MPP7: variants seen among roughly 807,000 people sequenced by gnomAD.
The protein encoded by MPP7 is MAGUK p55 subfamily member 7.
A neutral mutation model predicts 76.5 loss-of-function variants in MPP7; 60 were observed. That is an observed-to-expected ratio of 0.78 (90% CI 0.64 to 0.97). The LOEUF (loss-of-function observed/expected upper bound fraction) is 0.97. Among genes scored for constraint, MPP7 ranks in the 50% least tolerant of loss-of-function variants. MPP7 has a pLI of 0.00. For missense variants in MPP7, 641 were observed against 694.0 expected, an observed-to-expected ratio of 0.92 and a Z score of 0.86; for synonymous variants, 237 against 244.5, an observed-to-expected ratio of 0.97 and a Z score of 0.29.
At chr10:28,239,788 T>C (rs899265256) in intron 1 of MPP7, among the ~76,000 whole-genome samples, 13 of 152,236 alleles carry the variant, frequency 8.5e-5, no homozygotes, top group Non-Finnish European at 2.9e-5. Flanking sequence ...TTAATGCTGC[T>C]AGTTCTGTGA....
intron 5 of MPP7, among the ~76,000 whole-genome samples, chr10:28,144,204 A>G (rs1321291443): frequency 6.6e-6 from 1 of 151,960 alleles, no homozygotes; most frequent in Non-Finnish European, 1.5e-5. Flanking sequence ...GCCTTCCTCC[A>G]TTCAGTATTG....
chr10:28,092,493 G>A (rs997568594), intron 11 of MPP7, among the ~76,000 whole-genome samples: 1 of 151,746 alleles, frequency 6.6e-6, no homozygotes, highest in East Asian at 1.9e-4. Flanking sequence ...TATGTAAAGC[G>A]CCAGAGAAAA....
chr10:28,235,998 T>C (rs1359514151), intron 2 of MPP7, among the ~76,000 whole-genome samples: 1 of 152,172 alleles, frequency 6.6e-6, no homozygotes, highest in Non-Finnish European at 1.5e-5. Flanking sequence ...ATTAAACAAA[T>C]GGAAATACGC....
chr10:28,320,236 T>C (rs1589048078), intron 2 of MPP7, among the ~76,000 whole-genome samples: 1 of 152,028 alleles, frequency 6.6e-6, no homozygotes, highest in South Asian at 2.1e-4. Flanking sequence ...GGATGCATCA[T>C]GAATAAAAGG....
intron 3 of MPP7, among the ~76,000 whole-genome samples, chr10:28,196,651 T>C (rs1162999225): frequency 6.6e-6 from 1 of 152,186 alleles, no homozygotes; most frequent in African/African-American, 2.4e-5. Flanking sequence ...ACAGGTCTCC[T>C]GGTATCCTCT....
chr10:28,087,239 C>A (rs1414512321), intron 12 of MPP7, among the ~76,000 whole-genome samples: 1 of 152,178 alleles, frequency 6.6e-6, no homozygotes, highest in African/African-American at 2.4e-5. Context: ...ATTCCCTTCG[C>A]CTTCCACAAG....
intron 6 of MPP7, 103 bp from the exon 7 acceptor site, chr10:28,125,194 C>T (rs1834979600): frequency 1.0e-6 from 1 of 967,264 alleles, no homozygotes. Flanking sequence ...AAAACAACTA[C>T]AAAAACGAAA....
chr10:28,269,029 C>T (rs1840237000), intron 1 of MPP7, among the ~76,000 whole-genome samples: 1 of 152,196 alleles, frequency 6.6e-6, no homozygotes, highest in African/African-American at 2.4e-5. Flanking sequence ...TAATTACATA[C>T]ACCTTTTACT....
chr10:28,324,672 A>G (rs746070503), intron 2 of MPP7, among the ~76,000 whole-genome samples: 18 of 152,268 alleles, frequency 1.2e-4, no homozygotes, highest in Non-Finnish European at 2.4e-4. Flanking sequence ...AATACATTTC[A>G]TAATGAGAAC....
At chr10:28,190,679 A>G (rs1837384097) in intron 3 of MPP7, among the ~76,000 whole-genome samples, 2 of 152,200 alleles carry the variant, frequency 1.3e-5, no homozygotes, top group Non-Finnish European at 2.9e-5. Flanking sequence ...TAGAATTTAT[A>G]CCACTGAAAG....
intron 11 of MPP7, among the ~76,000 whole-genome samples, chr10:28,109,456 A>G (rs188730576): frequency 1.7e-3 from 263 of 152,296 alleles, no homozygotes; most frequent in African/African-American, 6.0e-3. Context: ...GTCTATCAAA[A>G]ATTATACAAT....
chr10:28,293,172 A>C (rs1840961572), intron 1 of MPP7, among the ~76,000 whole-genome samples: 1 of 152,200 alleles, frequency 6.6e-6, no homozygotes. Context: ...CGAGAGACTG[A>C]AAAAAGAAGA....
chr10:28,189,482 A>G (rs1837337235), intron 3 of MPP7, among the ~76,000 whole-genome samples: 1 of 149,744 alleles, frequency 6.7e-6, no homozygotes, highest in African/African-American at 2.5e-5. Flanking sequence ...GAAGTGGGAG[A>G]AATACTTCAG....
At chr10:28,272,099 G>A (rs1840344956) in intron 1 of MPP7, among the ~76,000 whole-genome samples, 1 of 152,146 alleles carries the variant, frequency 6.6e-6, no homozygotes, top group Non-Finnish European at 1.5e-5. Context: ...CTGAAAATGA[G>A]GCAGACTAAT....
At chr10:28,330,613 T>C (rs1834462392) in intron 1 of MPP7, among the ~76,000 whole-genome samples, 4 of 152,242 alleles carry the variant, frequency 2.6e-5, no homozygotes, top group Middle Eastern at 3.4e-3. Flanking sequence ...TATTGAATTA[T>C]TGGGGGATCA....
chr10:28,124,773 A>G (rs1009422246), intron 7 of MPP7, among the ~76,000 whole-genome samples: 18 of 151,968 alleles, frequency 1.2e-4, no homozygotes, highest in Non-Finnish European at 1.8e-4. Flanking sequence ...GTGAGCCACC[A>G]CGCCCGGCCC....
At chr10:28,267,522 A>C (rs11006972) in intron 1 of MPP7, among the ~76,000 whole-genome samples, 14,554 of 152,266 alleles carry the variant, frequency 0.096, 878 homozygotes, top group East Asian at 0.14. Context: ...CCAGAATCCA[A>C]AATTATCAAC....
At chr10:28,121,494 G>A (rs1167265715) in intron 8 of MPP7, among the ~76,000 whole-genome samples, 1 of 151,986 alleles carries the variant, frequency 6.6e-6, no homozygotes, top group Non-Finnish European at 1.5e-5. Context: ...ATTGAAAGAT[G>A]AAAAGACTGA....
At chr10:28,245,918 T>C (rs914136319) in intron 1 of MPP7, among the ~76,000 whole-genome samples, 3 of 150,526 alleles carry the variant, frequency 2.0e-5, no homozygotes, top group African/African-American at 4.9e-5. Flanking sequence ...AACTTGAGTA[T>C]AGATCATATG....
Sources: allele counts gnomAD v4.1 joint callset (sites outside exome capture counted in the v4.1 genomes callset), GRCh38; gene constraint gnomAD v4.1.1; transcripts MANE v1.5; gene names NCBI Gene and HGNC (gene_info 2026-07-23, HGNC 2026-07-21).